ESYT2: variants seen among roughly 807,000 people sequenced by gnomAD.
ESYT2 encodes the protein extended synaptotagmin 2, also known as extended synaptotagmin-2.
A neutral mutation model predicts 107.2 loss-of-function variants in ESYT2; 54 were observed. The observed-to-expected ratio is 0.50, with a 90% CI of 0.40 to 0.63. ESYT2 has a LOEUF of 0.63. Ranked by LOEUF, ESYT2 falls within the 30% of genes least tolerant of loss-of-function variation. ESYT2 has a pLI of 0.00. For synonymous variants in ESYT2, 491 were observed against 434.1 expected, an observed-to-expected ratio of 1.13 and a Z score of -1.63; for missense variants, 1,020 against 1,094.5, an observed-to-expected ratio of 0.93 and a Z score of 0.96.
At chr7:158,799,155 T>C in intron 1 of ESYT2, 83 bp from the exon 2 acceptor site, 1 of 1,234,218 alleles carries the variant, frequency 8.1e-7, no homozygotes, top group Non-Finnish European at 1.2e-6. Context: ...CATATTCTCA[T>C]CATACGTCCT....
Position 158,796,615 on chromosome 7 carries a change from T to C in ESYT2, c.507+1327A>G, listed in dbSNP as rs189893299. Among the ~76,000 whole-genome samples, 12 of 152,184 alleles carry C rather than the reference T, an allele frequency of 7.9e-5. No homozygotes were observed. The East Asian group carries it at 2.1e-3, about 27-fold the overall frequency. Reference sequence around the variant, plus strand: ...GAACGTGGAGCAGAAAGACACGTGGTGGAGAAAAAGTCAGTGTTAAAGAGA... The same window carrying C: ...GAACGTGGAGCAGAAAGACACGTGGCGGAGAAAAAGTCAGTGTTAAAGAGA... On this transcript the variant is annotated intron_variant, in intron 3 of 22. Coordinates refer to ENST00000275418, the MANE Select transcript of ESYT2 (RefSeq NM_001367773.1).
At chr7:158,738,330 CACACACACACACAG>C (rs1197137653) in intron 19 of ESYT2, among the ~76,000 whole-genome samples, 4 of 55,070 alleles carry the variant, frequency 7.3e-5, no homozygotes, top group Non-Finnish European at 1.0e-4. Context: ...AAAAAAAATA[CACACACACACACAG>C]ACACACACAC....
At chr7:158,737,021 T>G in intron 20 of ESYT2, 27 bp downstream of exon 20, 2 of 1,610,898 alleles carry the variant, frequency 1.2e-6, no homozygotes, top group Non-Finnish European at 1.7e-6. Flanking sequence ...CCGGGCAGTC[T>G]ATCCTCAGCT....
At chr7:158,746,659 G>T (rs913384227) in intron 16 of ESYT2, among the ~76,000 whole-genome samples, 8 of 152,146 alleles carry the variant, frequency 5.3e-5, no homozygotes. Context: ...AAGTTGCTAA[G>T]CTAATAAATT....
chr7:158,731,880 G>C lies in ESYT2; in HGVS notation c.*2327C>G, dbSNP rs1265378113. The C allele has an allele frequency of 6.6e-6, 1 of 152,420 alleles. No individual in the cohort carries two copies. The allele number at this position is 152,420 out of a possible 1,614,324, so 9.4% of individuals were successfully genotyped here. A position where few individuals can be genotyped will look rare whatever the true frequency, so the allele number is the denominator to read the frequency against. On this transcript the variant is annotated 3_prime_UTR_variant, in exon 23 of 23. Coordinates refer to ENST00000275418, the MANE Select transcript of ESYT2 (RefSeq NM_001367773.1). ...AGTGCTGAGTGTGGCCTCGATGGTG[G>C]CTTCACTCCTCCACATCTGGGAGGC... is the stretch of plus-strand genomic sequence containing the variant.
chr7:158,799,157 A>G, intron 1 of ESYT2, 85 bp from the exon 2 acceptor site: 1 of 1,219,690 alleles, frequency 8.2e-7, no homozygotes, highest in Non-Finnish European at 1.2e-6. Flanking sequence ...TATTCTCATC[A>G]TACGTCCTAT....
chr7:158,772,923 G>A (rs1363365561), intron 7 of ESYT2, among the ~76,000 whole-genome samples: 3 of 151,316 alleles, frequency 2.0e-5, no homozygotes, highest in Non-Finnish European at 4.4e-5. Flanking sequence ...GAAAGGGTGG[G>A]GTAGCCATAG....
Position 158,773,387 on chromosome 7 carries a change from T to C in ESYT2, c.757A>G (p.Ile253Val), listed in dbSNP as rs1563642790. 6.2e-7 allele frequency: 1 copy of C among 1,614,174 alleles called. No homozygotes were observed. The highest frequency in any genetic ancestry group is 8.5e-7 in the Non-Finnish European group (1 of 1,180,036). ...IFFLRKPLLE[I>V]NWTGLTNLLD... ...AGATTCGTCAGTCCTGTCCAGTTAATTTCTAAAAGCTGTTTTAAAACAAGG... is the reference window on the plus strand; with the variant it reads ...AGATTCGTCAGTCCTGTCCAGTTAACTTCTAAAAGCTGTTTTAAAACAAGG... The change falls in exon 7 of 23, where the codon ATT becomes GTT. Residue 253 changes from isoleucine to valine, a missense_variant. Coordinates refer to ENST00000275418, the MANE Select transcript of ESYT2 (RefSeq NM_001367773.1).
chr7:158,763,997 C>A (rs1044472867), intron 9 of ESYT2, among the ~76,000 whole-genome samples: 2 of 152,146 alleles, frequency 1.3e-5, no homozygotes, highest in African/African-American at 4.8e-5. Flanking sequence ...TAATTCTACA[C>A]ATACGTCAGT....
chr7:158,803,548 C>T (rs1484075060), intron 1 of ESYT2, among the ~76,000 whole-genome samples: 2 of 152,142 alleles, frequency 1.3e-5, no homozygotes, highest in Non-Finnish European at 2.9e-5. Flanking sequence ...ATACTAAAAA[C>T]GTTAAATATT....
At chr7:158,797,129 T>C (rs1286462226) in intron 3 of ESYT2, among the ~76,000 whole-genome samples, 1 of 152,098 alleles carries the variant, frequency 6.6e-6, no homozygotes, top group Non-Finnish European at 1.5e-5. Context: ...GGTGAACAAT[T>C]TTCTTCAGAA....
chr7:158,791,095 C>G (rs1839275565), intron 4 of ESYT2, among the ~76,000 whole-genome samples: 2 of 152,180 alleles, frequency 1.3e-5, no homozygotes, highest in South Asian at 2.1e-4. Context: ...CCATTAAACA[C>G]TAACTCCCCA....
At chr7:158,796,652 G>A (rs937614065) in intron 3 of ESYT2, among the ~76,000 whole-genome samples, 3 of 152,220 alleles carry the variant, frequency 2.0e-5, no homozygotes, top group South Asian at 2.1e-4. Flanking sequence ...GCCATGAGAC[G>A]GAGGCTGACA....
chr7:158,794,557 G>A (rs944099516), intron 3 of ESYT2, among the ~76,000 whole-genome samples: 3 of 152,106 alleles, frequency 2.0e-5, no homozygotes, highest in Non-Finnish European at 4.4e-5. Flanking sequence ...TTGGCAGGTG[G>A]AGGCGGAAGA....
intron 8 of ESYT2, among the ~76,000 whole-genome samples, chr7:158,765,730 T>C (rs1013171637): frequency 4.6e-5 from 7 of 150,924 alleles, no homozygotes; most frequent in Non-Finnish European, 1.0e-4. Context: ...AGCAAGACCC[T>C]GTCTCAAAAT....
chr7:158,780,769 G>A lies in ESYT2; in HGVS notation c.747+7235C>T, dbSNP rs1402406223. On this transcript the variant is annotated intron_variant, in intron 6 of 22. Transcript: ENST00000275418. Reference sequence around the variant, plus strand: ...GGACTCAGCTGGCTTTTGAAAGGAAGAGATTTGAATGCAAGAAAGAAGGCA... The same window carrying A: ...GGACTCAGCTGGCTTTTGAAAGGAAAAGATTTGAATGCAAGAAAGAAGGCA... Among the ~76,000 whole-genome samples, 4 of 152,222 alleles carry A rather than the reference G, an allele frequency of 2.6e-5. No individual in the cohort carries two copies. The East Asian group carries it at 7.7e-4, about 29-fold the overall frequency.
chr7:158,783,338 C>T (rs1478245715), intron 6 of ESYT2, among the ~76,000 whole-genome samples: 3 of 152,206 alleles, frequency 2.0e-5, no homozygotes, highest in Non-Finnish European at 2.9e-5. Context: ...AGGGCAGCTG[C>T]TTGGCACCTG....
At chr7:158,766,908 A>T (rs996181409) in intron 8 of ESYT2, among the ~76,000 whole-genome samples, 2 of 152,010 alleles carry the variant, frequency 1.3e-5, no homozygotes, top group Non-Finnish European at 2.9e-5. Context: ...GAGATCCTTC[A>T]CTCCACCCAC....
At chr7:158,826,521 T>TA (rs1464601909) in intron 1 of ESYT2, among the ~76,000 whole-genome samples, 1 of 152,118 alleles carries the variant, frequency 6.6e-6, no homozygotes, top group African/African-American at 2.4e-5. Flanking sequence ...TTGTATTTTT[T>TA]TTTTTTTTAA....
Sources: allele counts gnomAD v4.1 joint callset (sites outside exome capture counted in the v4.1 genomes callset), GRCh38; gene constraint gnomAD v4.1.1; transcripts MANE v1.5; gene names NCBI Gene and HGNC (gene_info 2026-07-23, HGNC 2026-07-21).